B3GALT1: variants seen among roughly 807,000 people sequenced by gnomAD.
B3GALT1 encodes the protein UDP-Gal:betaGlcNAc beta 1,3-galactosyltransferase, polypeptide 1.
In B3GALT1, 10 loss-of-function variants were observed where a neutral mutation model predicts 23.2. That is an observed-to-expected ratio of 0.43 (90% CI 0.27 to 0.73). The LOEUF is 0.73. Ranked by LOEUF, B3GALT1 falls within the 30% of genes least tolerant of loss-of-function variation. The pLI, the probability that B3GALT1 is intolerant of heterozygous loss-of-function variation, is 0.21. For missense variants in B3GALT1, 299 were observed against 405.4 expected (o/e 0.74, Z 2.25); for synonymous variants, 156 against 141.5 (o/e 1.10, Z -0.73).
intron 3 of B3GALT1, among the ~76,000 whole-genome samples, chr2:167,749,306 T>C (rs1687698195): frequency 6.6e-6 from 1 of 152,212 alleles, no homozygotes; most frequent in Non-Finnish European, 1.5e-5. Context: ...ATCCGTTCTC[T>C]GGTACCTATG....
rs371737125 is a variant in B3GALT1 at position 167,345,898 on chromosome 2, A to C, written c.-511+52564A>C. Among the ~76,000 whole-genome samples the C allele has an allele frequency of 6.1e-4, 93 of 152,246 alleles. 1 individual carries two copies. Among genetic ancestry groups the C allele is most frequent in the African/African-American group, 2.1e-3 (87 of 41,534 alleles). Reference sequence around the variant, plus strand: ...GTTTTCTTGGTCTTCCCATATCATCATCTGAAAACAAAGTTAAAAGGCTTT... The same window carrying C: ...GTTTTCTTGGTCTTCCCATATCATCCTCTGAAAACAAAGTTAAAAGGCTTT... On this transcript the variant is annotated intron_variant, in intron 1 of 4. Transcript: ENST00000392690.
At chr2:167,473,120 G>T (rs1194924785) in intron 1 of B3GALT1, among the ~76,000 whole-genome samples, 1 of 152,116 alleles carries the variant, frequency 6.6e-6, no homozygotes, top group Admixed American at 6.6e-5. Flanking sequence ...TGATTCCCAA[G>T]TTCAAATCTT....
At chr2:167,368,892 C>T (rs1381214522) in intron 1 of B3GALT1, among the ~76,000 whole-genome samples, 1 of 144,014 alleles carries the variant, frequency 6.9e-6, no homozygotes, top group Non-Finnish European at 1.5e-5. Flanking sequence ...TTGCATGCTT[C>T]CCCCCCCCAT....
intron 1 of B3GALT1, among the ~76,000 whole-genome samples, chr2:167,347,680 A>G (rs999735062): frequency 2.0e-5 from 3 of 152,212 alleles, no homozygotes; most frequent in Non-Finnish European, 4.4e-5. Flanking sequence ...GTCAGTATAT[A>G]AAGTGTAGAT....
At chr2:167,745,273 AC>A (rs1687636499) in intron 3 of B3GALT1, among the ~76,000 whole-genome samples, 1 of 151,520 alleles carries the variant, frequency 6.6e-6, no homozygotes. Flanking sequence ...ATTGTTGCTC[AC>A]CCCCTCTCCT....
At chr2:167,345,168 C>A (rs1697209136) in intron 1 of B3GALT1, among the ~76,000 whole-genome samples, 1 of 151,910 alleles carries the variant, frequency 6.6e-6, no homozygotes, top group Non-Finnish European at 1.5e-5. Flanking sequence ...AATGCATGAA[C>A]TGTCCTTACA....
chr2:167,595,238 A>G (rs1249379235), intron 2 of B3GALT1, among the ~76,000 whole-genome samples: 1 of 152,140 alleles, frequency 6.6e-6, no homozygotes. Flanking sequence ...GAAGGTCAAC[A>G]CTAGGGGGCT....
chr2:167,330,479 A>AT (rs1368313054), intron 1 of B3GALT1, among the ~76,000 whole-genome samples: 4 of 152,152 alleles, frequency 2.6e-5, no homozygotes, highest in Admixed American at 1.3e-4. Flanking sequence ...GCATTGTGGC[A>AT]CGTGCCTGTA....
At chr2:167,707,353 G>A (rs1287146393) in intron 3 of B3GALT1, among the ~76,000 whole-genome samples, 1 of 152,074 alleles carries the variant, frequency 6.6e-6, no homozygotes, top group Non-Finnish European at 1.5e-5. Context: ...TGCGTTTGCT[G>A]CCATAATATT....
intron 1 of B3GALT1, among the ~76,000 whole-genome samples, chr2:167,294,195 C>T (rs1044263729): frequency 1.3e-5 from 2 of 152,184 alleles, no homozygotes; most frequent in Non-Finnish European, 2.9e-5. Flanking sequence ...GCCGCTTTGG[C>T]CCGCTGACCT....
intron 1 of B3GALT1, among the ~76,000 whole-genome samples, chr2:167,340,775 A>G (rs143468557): frequency 3.9e-5 from 6 of 152,318 alleles, no homozygotes; most frequent in African/African-American, 1.4e-4. Context: ...TCATATTTTA[A>G]ATTCACAATG....
At chr2:167,367,917 C>T (rs1697616067) in intron 1 of B3GALT1, among the ~76,000 whole-genome samples, 1 of 152,112 alleles carries the variant, frequency 6.6e-6, no homozygotes, top group Non-Finnish European at 1.5e-5. Flanking sequence ...TCAAATATAA[C>T]AGGACTTCAA....
chr2:167,731,152 A>G (rs1478202485), intron 3 of B3GALT1, among the ~76,000 whole-genome samples: 1 of 152,196 alleles, frequency 6.6e-6, no homozygotes, highest in Non-Finnish European at 1.5e-5. Context: ...GTAAAATTTC[A>G]GCTGCACACT....
chr2:167,392,494 G>T (rs1336929361), intron 1 of B3GALT1, among the ~76,000 whole-genome samples: 1 of 152,058 alleles, frequency 6.6e-6, no homozygotes, highest in Non-Finnish European at 1.5e-5. Flanking sequence ...AGTCTCAATT[G>T]TAATGGCTTT....
At chr2:167,624,894 G>C (rs1685314347) in intron 2 of B3GALT1, among the ~76,000 whole-genome samples, 1 of 151,978 alleles carries the variant, frequency 6.6e-6, no homozygotes, top group Admixed American at 6.6e-5. Flanking sequence ...AAAAATAACT[G>C]AATAGCTGTC....
At chr2:167,519,584 A>G (rs899879211) in intron 2 of B3GALT1, among the ~76,000 whole-genome samples, 1 of 152,200 alleles carries the variant, frequency 6.6e-6, no homozygotes, top group Admixed American at 6.5e-5. Context: ...TTTATTGTAT[A>G]TATTAAATTA....
chr2:167,328,880 G>A (rs1002528936), intron 1 of B3GALT1, among the ~76,000 whole-genome samples: 3 of 151,744 alleles, frequency 2.0e-5, no homozygotes, highest in African/African-American at 2.4e-5. Flanking sequence ...TGGGATGATC[G>A]CAGCTCACTG....
intron 1 of B3GALT1, among the ~76,000 whole-genome samples, chr2:167,404,596 A>G (rs1264604576): frequency 1.3e-5 from 2 of 152,192 alleles, no homozygotes; most frequent in African/African-American, 4.8e-5. Flanking sequence ...CATCGCAGTC[A>G]GTATAAATAT....
chr2:167,298,560 T>A (rs1696392737), intron 1 of B3GALT1, among the ~76,000 whole-genome samples: 1 of 152,160 alleles, frequency 6.6e-6, no homozygotes, highest in Admixed American at 6.5e-5. Flanking sequence ...CTTCATTCTT[T>A]ATGTCTATAG....
Sources: allele counts gnomAD v4.1 joint callset (sites outside exome capture counted in the v4.1 genomes callset), GRCh38; gene constraint gnomAD v4.1.1; transcripts MANE v1.5; gene names NCBI Gene and HGNC (gene_info 2026-07-23, HGNC 2026-07-21).